LDB2: variants seen among roughly 807,000 people sequenced by gnomAD.
LDB2 encodes LIM domain binding 2.
Under a neutral mutation model 44.3 loss-of-function variants are expected in LDB2, and 12 were observed. That is an observed-to-expected ratio of 0.27 (90% CI 0.17 to 0.44). The LOEUF is 0.44. LDB2 is among the 20% of genes least tolerant of loss of function. The pLI is 1.00. For missense variants in LDB2, 344 were observed against 473.5 expected, an observed-to-expected ratio of 0.73 and a Z score of 2.54; for synonymous variants, 164 against 174.8, an observed-to-expected ratio of 0.94 and a Z score of 0.49.
intron 2 of LDB2, among the ~76,000 whole-genome samples, chr4:16,708,807 C>G (rs1399934157): frequency 6.6e-6 from 1 of 152,008 alleles, no homozygotes; most frequent in Non-Finnish European, 1.5e-5. Context: ...TCTGTGGGAG[C>G]TATCTTTCCC....
At chr4:16,586,345 G>A (rs538734677) in intron 4 of LDB2, among the ~76,000 whole-genome samples, 2 of 152,118 alleles carry the variant, frequency 1.3e-5, no homozygotes, top group Admixed American at 6.5e-5. Context: ...CAGGTCTAAC[G>A]CCCTCATTAG....
chr4:16,609,211 C>T (rs1724874637), intron 2 of LDB2, among the ~76,000 whole-genome samples: 1 of 152,148 alleles, frequency 6.6e-6, no homozygotes, highest in South Asian at 2.1e-4. Context: ...GCCAAGGAAA[C>T]TGTGCAACCT....
intron 2 of LDB2, among the ~76,000 whole-genome samples, chr4:16,637,299 A>AT (rs34484721): frequency 0.72 from 61,652 of 85,454 alleles, 23,588 homozygotes; most frequent in South Asian, 0.79. Context: ...GCCTAGGCTG[A>AT]TTTTTTTTTT....
At chr4:16,599,430 C>G (rs759610676) in intron 2 of LDB2, among the ~76,000 whole-genome samples, 14 of 152,072 alleles carry the variant, frequency 9.2e-5, no homozygotes, top group Non-Finnish European at 1.9e-4. Flanking sequence ...TGTGATTGCC[C>G]TGAATCCACC....
chr4:16,568,703 T>C (rs1256729877), intron 5 of LDB2, among the ~76,000 whole-genome samples: 3 of 152,170 alleles, frequency 2.0e-5, no homozygotes, highest in Non-Finnish European at 2.9e-5. Context: ...ATAAGAAAAA[T>C]TGGCCCTTCA....
chr4:16,636,207 C>T lies in LDB2; in HGVS notation c.236-40332G>A, dbSNP rs373683246. ...GAAACTGCTAAGGCTCAGGGAGCTG[C>T]GGTGGCCTGCTTAGGACCACACCAC... On this transcript the variant is annotated intron_variant, in intron 2 of 7. Coordinates refer to ENST00000304523, the MANE Select transcript of LDB2 (RefSeq NM_001290.5). Among the ~76,000 whole-genome samples the T allele has an allele frequency of 4.6e-5, 7 of 152,294 alleles. No individual in the cohort carries two copies. The East Asian group carries it at 1.2e-3, about 25-fold the overall frequency.
chr4:16,854,946 A>C (rs1789049952), intron 1 of LDB2, among the ~76,000 whole-genome samples: 1 of 152,006 alleles, frequency 6.6e-6, no homozygotes, highest in Non-Finnish European at 1.5e-5. Context: ...GATTTATCAA[A>C]GATCATTTAT....
intron 5 of LDB2, among the ~76,000 whole-genome samples, chr4:16,548,210 G>A (rs989045531): frequency 6.6e-6 from 1 of 152,124 alleles, no homozygotes; most frequent in African/African-American, 2.4e-5. Flanking sequence ...TGGAGCAGGT[G>A]GCTCTGAAGA....
At chr4:16,750,861 A>G (rs748236703) in intron 2 of LDB2, 5 of 152,220 alleles carry the variant, frequency 3.3e-5, no homozygotes, top group Non-Finnish European at 4.4e-5. Context: ...GTGTTTCTCA[A>G]TAATTTTTTA....
intron 2 of LDB2, among the ~76,000 whole-genome samples, chr4:16,751,489 A>C (rs549543436): frequency 1.3e-5 from 2 of 152,134 alleles, no homozygotes; most frequent in African/African-American, 2.4e-5. Context: ...ATTTGAAACC[A>C]CAAATGGGAA....
At chr4:16,771,534 A>AT (rs1770686919) in intron 1 of LDB2, among the ~76,000 whole-genome samples, 2 of 152,164 alleles carry the variant, frequency 1.3e-5, no homozygotes, top group South Asian at 2.1e-4. Flanking sequence ...CCAAAGCCAG[A>AT]TATCTCCCCC....
intron 2 of LDB2, among the ~76,000 whole-genome samples, chr4:16,639,572 T>C (rs1734581535): frequency 6.6e-6 from 1 of 152,172 alleles, no homozygotes; most frequent in African/African-American, 2.4e-5. Flanking sequence ...AGCAACTCTA[T>C]TGCCTCAGCC....
chr4:16,512,320 TCACACGGATACA>T (rs1332936072), intron 5 of LDB2: 18 of 467,540 alleles, frequency 3.8e-5, no homozygotes, highest in African/African-American at 5.8e-5. Context: ...TGAATGTGAT[TCACACGGATACA>T]CACACAGACA....
rs553425342 is a variant in LDB2 at position 16,557,499 on chromosome 4, G to A, written c.615+28423C>T. ...GATCAAACTGCAAGGCGGCGGCAGCGAGGCTGGGGGAGGGGCGCCTGCCAT... is the reference window on the plus strand; with the variant it reads ...GATCAAACTGCAAGGCGGCGGCAGCAAGGCTGGGGGAGGGGCGCCTGCCAT... On this transcript the variant is annotated intron_variant, in intron 5 of 7. Transcript: ENST00000304523. Among the ~76,000 whole-genome samples the A allele has an allele frequency of 1.5e-3, 229 of 152,332 alleles. 1 individual carries two copies. Among genetic ancestry groups the A allele is most frequent in the South Asian group, 0.013 (61 of 4,830 alleles).
intron 2 of LDB2, among the ~76,000 whole-genome samples, chr4:16,695,400 C>A (rs1465115797): frequency 1.3e-5 from 2 of 150,668 alleles, no homozygotes; most frequent in African/African-American, 4.9e-5. Context: ...TAAGAGGCTG[C>A]AGTGAGCTGA....
At chr4:16,638,987 A>G (rs1734385162) in intron 2 of LDB2, among the ~76,000 whole-genome samples, 1 of 152,238 alleles carries the variant, frequency 6.6e-6, no homozygotes, top group South Asian at 2.1e-4. Flanking sequence ...TATTAAAAAC[A>G]GAGAAACATT....
chr4:16,672,827 C>CTTT (rs1352458100), intron 2 of LDB2, among the ~76,000 whole-genome samples: 1,426 of 22,448 alleles, frequency 0.064, 22 homozygotes, highest in South Asian at 0.29. Flanking sequence ...TGCCTGCCTG[C>CTTT]CTTCTTTCCT....
At chr4:16,515,724 A>C (rs772838199) in intron 5 of LDB2, among the ~76,000 whole-genome samples, 2 of 152,178 alleles carry the variant, frequency 1.3e-5, no homozygotes, top group Non-Finnish European at 2.9e-5. Flanking sequence ...AATTATTTTC[A>C]TTTGGTTCAT....
chr4:16,741,614 A>T (rs1276444790), intron 2 of LDB2: 1 of 152,212 alleles, frequency 6.6e-6, no homozygotes, highest in Non-Finnish European at 1.5e-5. Flanking sequence ...TCACTCTGTC[A>T]GCTCAACAGA....
Sources: allele counts gnomAD v4.1 joint callset (sites outside exome capture counted in the v4.1 genomes callset), GRCh38; gene constraint gnomAD v4.1.1; transcripts MANE v1.5; gene names NCBI Gene and HGNC (gene_info 2026-07-23, HGNC 2026-07-21).